SERGEF: variants seen among roughly 807,000 people sequenced by gnomAD.
The protein encoded by SERGEF is secretion-regulating guanine nucleotide exchange factor.
Under a neutral mutation model 50.0 loss-of-function variants are expected in SERGEF, and 51 were observed. That is an observed-to-expected ratio of 1.02 (90% CI 0.81 to 1.29). The LOEUF is 1.29. Ranked by LOEUF, SERGEF falls within the 50% of genes most tolerant of loss-of-function variation. SERGEF has a pLI of 0.00. For synonymous variants in SERGEF, 205 were observed against 212.4 expected, an observed-to-expected ratio of 0.97 and a Z score of 0.30; for missense variants, 521 against 557.0, an observed-to-expected ratio of 0.94 and a Z score of 0.65.
At chr11:17,999,751 A>G (rs947611883) in intron 5 of SERGEF, among the ~76,000 whole-genome samples, 1 of 152,192 alleles carries the variant, frequency 6.6e-6, no homozygotes, top group African/African-American at 2.4e-5. Context: ...AATAAAATCC[A>G]TTAGGAAGGC....
At chr11:17,944,917 C>G (rs961561334) in intron 9 of SERGEF, among the ~76,000 whole-genome samples, 1 of 152,130 alleles carries the variant, frequency 6.6e-6, no homozygotes, top group African/African-American at 2.4e-5. Flanking sequence ...AAAGAAAAGG[C>G]CTTCCTGCCT....
chr11:17,900,084 G>A (rs1411814110), intron 9 of SERGEF, among the ~76,000 whole-genome samples: 1 of 152,170 alleles, frequency 6.6e-6, no homozygotes, highest in African/African-American at 2.4e-5. Context: ...GTGGGCTAGA[G>A]TTTGCTTTAA....
rs150270619 is a variant in SERGEF, at chr11:17,877,347, G to A, written c.1048+861C>T. On this transcript the variant is annotated intron_variant, in intron 10 of 10. Coordinates refer to ENST00000265965, the MANE Select transcript of SERGEF (RefSeq NM_012139.4). ...ACAGATGGGGAAACTAAAGCCTAGC[G>A]GAGGGCAATTACTTTAACATATAAT... is the stretch of plus-strand genomic sequence containing the variant. Among the ~76,000 whole-genome samples, 99 of 152,236 alleles carry A rather than the reference G, an allele frequency of 6.5e-4. 2 individuals carry two copies. The East Asian group carries it at 0.018, about 27-fold the overall frequency.
chr11:17,845,067 C>A (rs993432818), intron 10 of SERGEF, among the ~76,000 whole-genome samples: 17 of 152,146 alleles, frequency 1.1e-4, no homozygotes, highest in Admixed American at 9.8e-4. Flanking sequence ...TGTAGGTAGG[C>A]CCTTCTATAG....
At chr11:17,998,491 A>T (rs1853890817) in intron 5 of SERGEF, among the ~76,000 whole-genome samples, 2 of 95,442 alleles carry the variant, frequency 2.1e-5, no homozygotes, top group Admixed American at 1.1e-4. Flanking sequence ...ATATATATGC[A>T]TGTGTGAGTG....
chr11:17,846,783 A>G (rs1565183841), intron 10 of SERGEF: 1 of 456,114 alleles, frequency 2.2e-6, no homozygotes, highest in East Asian at 6.9e-5. Flanking sequence ...AAATGAGAGA[A>G]TGCATATTGA....
At chr11:17,880,615 C>G (rs1210734959) in intron 9 of SERGEF, among the ~76,000 whole-genome samples, 1 of 151,388 alleles carries the variant, frequency 6.6e-6, no homozygotes, top group Non-Finnish European at 1.5e-5. Flanking sequence ...TTCTTTTTTT[C>G]TATACTCCGA....
rs117019213 is a variant in SERGEF at position 17,953,981 on chromosome 11, T to A, written c.1011+5489A>T. Among the ~76,000 whole-genome samples the A allele has an allele frequency of 5.3e-3, 808 of 152,326 alleles. 4 individuals are homozygous for A. The highest frequency in any genetic ancestry group is 0.014 in the East Asian group (73 of 5,188). ...ATGTGCTAGATTTTTAAATCTCCAG[T>A]GAAACCATCTTTGGGTGCACACTAC... On this transcript the variant is annotated intron_variant, in intron 9 of 10. Coordinates refer to ENST00000265965, the MANE Select transcript of SERGEF (RefSeq NM_012139.4).
intron 1 of SERGEF, among the ~76,000 whole-genome samples, chr11:18,008,993 T>C (rs927481675): frequency 2.6e-5 from 4 of 152,092 alleles, no homozygotes; most frequent in Admixed American, 2.6e-4. Context: ...CCCCTTGTCC[T>C]TGAGTAACCA....
At chr11:17,910,753 T>C (rs903375064) in intron 9 of SERGEF, among the ~76,000 whole-genome samples, 3 of 151,534 alleles carry the variant, frequency 2.0e-5, no homozygotes, top group African/African-American at 7.3e-5. Flanking sequence ...AGATGTCCAA[T>C]GTAGATGAAG....
intron 10 of SERGEF, among the ~76,000 whole-genome samples, chr11:17,815,613 TCAAAACAAAA>T (rs370860088): frequency 3.8e-5 from 5 of 132,688 alleles, no homozygotes; most frequent in East Asian, 2.4e-4. Context: ...AGACTCCATC[TCAAAACAAAA>T]CAAAACAAAA....
intron 9 of SERGEF, among the ~76,000 whole-genome samples, chr11:17,928,300 G>A (rs1008153163): frequency 6.6e-6 from 1 of 152,120 alleles, no homozygotes; most frequent in South Asian, 2.1e-4. Context: ...CACATTGAAA[G>A]GAACACTGTC....
rs1450970298 is a variant in SERGEF, at chr11:17,888,062, G to A, written c.1012-9818C>T. Among the ~76,000 whole-genome samples the A allele has an allele frequency of 6.6e-6, 1 of 152,156 alleles. No individual in the cohort carries two copies. Among genetic ancestry groups the A allele is most frequent in the South Asian group, 2.1e-4 (1 of 4,830 alleles). On this transcript the variant is annotated intron_variant, in intron 9 of 10. Transcript: ENST00000265965. The surrounding 1 kb of genome is among the most constrained non-coding windows in gnomAD (Gnocchi z 4.1). ...GCACAAACCCTATTGTGAACTCCGC[G>A]TGGGAGGGATCTAGGCTGCGCAATC...
chr11:17,842,651 C>T (rs1335481776), intron 10 of SERGEF, among the ~76,000 whole-genome samples: 2 of 152,156 alleles, frequency 1.3e-5, no homozygotes. Context: ...TAACCTACTG[C>T]CCTATAAAAT....
At chr11:18,004,318 C>A in intron 4 of SERGEF, 123 bp downstream of exon 4, 2 of 625,048 alleles carry the variant, frequency 3.2e-6, no homozygotes, top group South Asian at 2.7e-5. Flanking sequence ...TTTTTCAACT[C>A]AAATTCTCCT....
chr11:17,989,023 T>C (rs1270386259), intron 7 of SERGEF, among the ~76,000 whole-genome samples: 2 of 152,234 alleles, frequency 1.3e-5, no homozygotes, highest in Non-Finnish European at 2.9e-5. Context: ...CACTTTTTCA[T>C]TCAACAAATA....
chr11:18,004,440 C>T lies in SERGEF; in HGVS notation c.447+1G>A. 6.2e-7 allele frequency: 1 copy of T among 1,611,126 alleles called. No individual in the cohort carries two copies. The highest frequency in any genetic ancestry group is 8.5e-7 in the Non-Finnish European group (1 of 1,177,602). ...GCAAGCTAAATATTAACTGTCCTCACCTCAATGGCCTGGGGAACCACACAT... is the reference window on the plus strand; with the variant it reads ...GCAAGCTAAATATTAACTGTCCTCATCTCAATGGCCTGGGGAACCACACAT... On this transcript the variant is annotated splice_donor_variant, in intron 4 of 10. Transcript: ENST00000265965. LOFTEE classifies it high-confidence loss of function.
chr11:17,981,154 A>G (rs928943252), intron 8 of SERGEF, among the ~76,000 whole-genome samples: 1 of 152,224 alleles, frequency 6.6e-6, no homozygotes, highest in African/African-American at 2.4e-5. Flanking sequence ...CTTGGCCACA[A>G]TCTTTTTATT....
chr11:17,810,876 G>C (rs1339517538), intron 10 of SERGEF, among the ~76,000 whole-genome samples: 14 of 151,794 alleles, frequency 9.2e-5, no homozygotes, highest in Admixed American at 9.2e-4. Context: ...TGCAAGCCAA[G>C]CCTAGCCACC....
Sources: allele counts gnomAD v4.1 joint callset (sites outside exome capture counted in the v4.1 genomes callset), GRCh38; gene constraint gnomAD v4.1.1; non-coding constraint Gnocchi (gnomAD v3.1); transcripts MANE v1.5; gene names NCBI Gene and HGNC (gene_info 2026-07-23, HGNC 2026-07-21).